NBPF3: variants seen among roughly 807,000 people sequenced by gnomAD.
NBPF3 encodes NBPF family member NBPF3.
A neutral mutation model predicts 78.1 loss-of-function variants in NBPF3; 57 were observed. The observed-to-expected ratio is 0.73, with a 90% CI of 0.59 to 0.91. The LOEUF (loss-of-function observed/expected upper bound fraction) is 0.91. Ranked by LOEUF, NBPF3 falls within the 40% of genes least tolerant of loss-of-function variation. NBPF3 has a pLI of 0.00. For missense variants in NBPF3, 510 were observed against 715.3 expected, an observed-to-expected ratio of 0.71 and a Z score of 3.27; for synonymous variants, 182 against 271.7, an observed-to-expected ratio of 0.67 and a Z score of 3.25.
At chr1:21,444,176 C>T (rs935619962) in intron 1 of NBPF3, among the ~76,000 whole-genome samples, 1 of 152,160 alleles carries the variant, frequency 6.6e-6, no homozygotes, top group Non-Finnish European at 1.5e-5. Flanking sequence ...CATACTAATA[C>T]CATATTCAAC....
Position 21,476,095 on chromosome 1 carries a change from C to T in NBPF3, c.992+1144C>T, listed in dbSNP as rs1255232563. Among the ~76,000 whole-genome samples, 2 of 82,178 alleles carry T rather than the reference C, an allele frequency of 2.4e-5. No homozygotes were observed. Among genetic ancestry groups the T allele is most frequent in the African/African-American group, 6.4e-5 (2 of 31,474 alleles). The allele number at this position is 82,178 out of a possible 152,430, so 53.9% of individuals were successfully genotyped here. On this transcript the variant is annotated intron_variant, in intron 8 of 14. Transcript: ENST00000318249. The surrounding 1 kb of genome is among the most constrained non-coding windows in gnomAD (Gnocchi z 4.1). Reference sequence around the variant, plus strand: ...TTTTATCAAAGACTAGGATTGCAACCCCTGCTTTTTTTTGCTCTCCATTTG... The same window carrying T: ...TTTTATCAAAGACTAGGATTGCAACTCCTGCTTTTTTTTGCTCTCCATTTG...
rs373611780 is a variant in NBPF3, at chr1:21,468,750, G to A, written c.196G>A (p.Gly66Ser). 1.9e-5 allele frequency: 30 copies of A among 1,613,506 alleles called. No individual in the cohort carries two copies. Among genetic ancestry groups the A allele is most frequent in the African/African-American group, 4.0e-5 (3 of 74,882 alleles). Residue 66 changes from glycine to serine, a missense_variant, in exon 3 of 15, where the codon GGT becomes AGT. Around this residue, in one of 5 missense-constraint regions of NBPF3, gnomAD observed 440 missense variants for 478.2 expected, o/e 0.92. Transcript: ENST00000318249. Reference sequence around the variant, plus strand: ...GGTGGTATCTGCCGGCCCTTGGTCCGGTGAGAAGGCAGAGATGAACATTCT... The same window carrying A: ...GGTGGTATCTGCCGGCCCTTGGTCCAGTGAGAAGGCAGAGATGAACATTCT... ...SMVVSAGPWSGEKAEMNILEI... is the reference protein window; with the variant it reads ...SMVVSAGPWSSEKAEMNILEI...
intron 2 of NBPF3, among the ~76,000 whole-genome samples, chr1:21,467,976 A>T (rs1642370590): frequency 6.6e-6 from 1 of 152,248 alleles, no homozygotes; most frequent in Non-Finnish European, 1.5e-5. Flanking sequence ...CTGAGACAGG[A>T]AAGACAACAT....
Position 21,484,454 on chromosome 1 carries a change from A to G in NBPF3, c.*1068A>G, listed in dbSNP as rs1353439898. 1.0e-5 allele frequency: 1 copy of G among 96,518 alleles called. No individual in the cohort carries two copies. Among genetic ancestry groups the G allele is most frequent in the East Asian group, 3.5e-4 (1 of 2,888 alleles). The allele number at this position is 96,518 out of a possible 1,614,324, so 6.0% of individuals were successfully genotyped here. On this transcript the variant is annotated 3_prime_UTR_variant, in exon 15 of 15. Coordinates refer to ENST00000318249, the MANE Select transcript of NBPF3 (RefSeq NM_032264.6). ...TGTCTGAAAATGTCTTCATGATTAAATTCAGCCTAAACGTTTCATCAAGAA... is the reference window on the plus strand; with the variant it reads ...TGTCTGAAAATGTCTTCATGATTAAGTTCAGCCTAAACGTTTCATCAAGAA...
intron 2 of NBPF3, among the ~76,000 whole-genome samples, chr1:21,458,537 A>T (rs1421685091): frequency 2.0e-5 from 3 of 152,238 alleles, no homozygotes; most frequent in African/African-American, 7.2e-5. Flanking sequence ...ATAACAAGTG[A>T]AAGTATGAAC....
chr1:21,445,234 G>C lies in NBPF3; in HGVS notation c.133+15G>C, dbSNP rs370233974. The C allele has an allele frequency of 1.2e-6, 2 of 1,610,298 alleles. No homozygotes were observed. The highest frequency in any genetic ancestry group is 1.1e-5 in the South Asian group (1 of 90,884). ...AGATCCAACAGGTAAAAATCCCGAGGCATTGCCAGCTCGGTGGGGTCAGAG... is the reference window on the plus strand; with the variant it reads ...AGATCCAACAGGTAAAAATCCCGAGCCATTGCCAGCTCGGTGGGGTCAGAG... On this transcript the variant is annotated intron_variant, in intron 2 of 14. Coordinates refer to ENST00000318249, the MANE Select transcript of NBPF3 (RefSeq NM_032264.6).
chr1:21,451,965 G>C (rs1641335103), intron 2 of NBPF3: 1 of 345,292 alleles, frequency 2.9e-6, no homozygotes, highest in Non-Finnish European at 4.1e-6. Flanking sequence ...AGTTTTTCCA[G>C]GGCAGAGATG....
chr1:21,475,014 G>T (rs1213559114), intron 8 of NBPF3, 63 bp downstream of exon 8: 1 of 1,426,230 alleles, frequency 7.0e-7, no homozygotes, highest in Non-Finnish European at 9.8e-7. Flanking sequence ...TAGATTTAGA[G>T]AAAATGAGGA....
rs772981666 is a variant in NBPF3 at position 21,478,286 on chromosome 1, G to A, written c.1135G>A (p.Gly379Ser). Reference sequence around the variant, plus strand: ...TCACTCAGTAGAGGAACAGCAAGTCGGCTTGGCTCTTGACATAGGCAGTGA... The same window carrying A: ...TCACTCAGTAGAGGAACAGCAAGTCAGCTTGGCTCTTGACATAGGCAGTGA... ...TFHSVEEQQV[G>S]LALDIGRHWC... Residue 379 changes from glycine to serine, a missense_variant, in exon 9 of 15, where the codon GGC becomes AGC. Coordinates refer to ENST00000318249, the MANE Select transcript of NBPF3 (RefSeq NM_032264.6). The A allele has an allele frequency of 5.6e-6, 9 of 1,613,914 alleles. No individual in the cohort carries two copies. The highest frequency in any genetic ancestry group is 2.2e-5 in the East Asian group (1 of 44,888).
chr1:21,468,303 G>T, intron 2 of NBPF3: 2 of 796,154 alleles, frequency 2.5e-6, no homozygotes, highest in Non-Finnish European at 3.3e-6. Flanking sequence ...GTGAATTTTA[G>T]AGGAATGATC....
chr1:21,470,861 A>G, intron 4 of NBPF3, 127 bp downstream of exon 4: 1 of 579,130 alleles, frequency 1.7e-6, no homozygotes, highest in Non-Finnish European at 3.2e-6. Flanking sequence ...TGGCAGGCTC[A>G]CGACACACAA....
chr1:21,474,788 A>G (rs1049874732), intron 7 of NBPF3, 112 bp from the exon 8 acceptor site: 12 of 1,006,588 alleles, frequency 1.2e-5, no homozygotes, highest in Middle Eastern at 3.1e-4. Context: ...GTCAGAATCC[A>G]TATTCTTGCA....
chr1:21,478,074 C>T, intron 8 of NBPF3, 70 bp from the exon 9 acceptor site: 1 of 1,612,004 alleles, frequency 6.2e-7, no homozygotes, highest in Admixed American at 1.7e-5. Context: ...ATCAGATCAT[C>T]TGGAAGGTTT....
At chr1:21,474,815 C>A in intron 7 of NBPF3, 85 bp from the exon 8 acceptor site, 1 of 1,257,654 alleles carries the variant, frequency 8.0e-7, no homozygotes, top group Non-Finnish European at 1.1e-6. Flanking sequence ...ATAGTTATGT[C>A]CTTGTCCTAT....
chr1:21,437,568 A>C, upstream of NBPF3: 1 of 1,039,660 alleles, frequency 9.6e-7, no homozygotes, highest in Non-Finnish European at 1.3e-6. Flanking sequence ...CTACTGAAGA[A>C]TAAGTCAGCG....
In NBPF3 at chr1:21,478,174, C is replaced by T. The variant is rs1642984770; in HGVS notation, c.1023C>T (p.Ala341=). The change falls in exon 9 of 15, where the codon GCC becomes GCT. Residue 341 remains alanine, a synonymous_variant. Transcript: ENST00000318249. ...TGCAGGAGTCTGAAGAGGAGGAAGC[C>T]CCCCAGGAGTCCTGGGATGAAGGTG... The part of the protein sequence containing the change: ...RNLQESEEEE[A]PQESWDEGDW... 6.2e-7 allele frequency: 1 copy of T among 1,614,068 alleles called. No individual in the cohort carries two copies. Among genetic ancestry groups the T allele is most frequent in the Admixed American group, 1.7e-5 (1 of 60,020 alleles).
rs753750743 is a variant in NBPF3 at position 21,445,097 on chromosome 1, C to T, written c.11C>T (p.Thr4Ile). Residue 4 changes from threonine (T) to isoleucine (I), a missense_variant, in exon 2 of 15, where the codon ACT becomes ATT. Thr to Ile is a moderately conservative substitution (Grantham distance 89). This residue lies in a region of NBPF3 where 440 missense variants were observed against 478.2 expected (regional missense o/e 0.92). Coordinates refer to ENST00000318249, the MANE Select transcript of NBPF3 (RefSeq NM_032264.6). MPLTPTVQGFQWTL... is the reference protein window; with the variant it reads MPLIPTVQGFQWTL... ...GCCTCCACACTGGGGATGCCACTGACTCCCACTGTCCAGGGCTTCCAGTGG... is the reference window on the plus strand; with the variant it reads ...GCCTCCACACTGGGGATGCCACTGATTCCCACTGTCCAGGGCTTCCAGTGG... The T allele has an allele frequency of 1.0e-4, 168 of 1,611,520 alleles. No homozygotes were observed. Among genetic ancestry groups the T allele is most frequent in the Non-Finnish European group, 1.4e-4 (162 of 1,179,638 alleles).
intron 8 of NBPF3, among the ~76,000 whole-genome samples, chr1:21,475,701 T>C (rs1297067028): frequency 1.3e-5 from 2 of 152,160 alleles, no homozygotes; most frequent in African/African-American, 4.8e-5. Flanking sequence ...AACTATGTGG[T>C]CAATTTTGGA....
Position 21,473,536 on chromosome 1 carries a change from T to G in NBPF3, c.891T>G (p.Ile297Met). 6.2e-7 allele frequency: 1 copy of G among 1,614,216 alleles called. No individual in the cohort carries two copies. The highest frequency in any genetic ancestry group is 8.5e-7 in the Non-Finnish European group (1 of 1,180,032). Reference protein sequence around the residue: ...FEEDQVDSTLIDSSSHDEWLD... With the variant: ...FEEDQVDSTLMDSSSHDEWLD... Reference sequence around the variant, plus strand: ...AAGACCAAGTCGACTCAACTCTCATTGACTCATCCTCTCATGATGAATGGT... The same window carrying G: ...AAGACCAAGTCGACTCAACTCTCATGGACTCATCCTCTCATGATGAATGGT... Residue 297 changes from isoleucine (I) to methionine (M), a missense_variant, in exon 7 of 15, where the codon ATT becomes ATG. Physicochemically the swap from Ile to Met is conservative, Grantham distance 10. This residue lies in a region of NBPF3 where 440 missense variants were observed against 478.2 expected (regional missense o/e 0.92). Coordinates refer to ENST00000318249, the MANE Select transcript of NBPF3 (RefSeq NM_032264.6).
Sources: gnomAD v4.1 joint callset for allele counts (sites outside exome capture counted in the v4.1 genomes callset) on GRCh38, gnomAD v4.1.1 for gene constraint, gnomAD v4.1.1 regional missense constraint, Gnocchi (gnomAD v3.1) non-coding constraint, MANE v1.5 for transcripts, NCBI Gene and HGNC (gene_info 2026-07-23, HGNC 2026-07-21) for gene names.